PTPRQ: variants seen among roughly 807,000 people sequenced by gnomAD.
PTPRQ encodes the protein protein tyrosine phosphatase receptor type Q.
A neutral mutation model predicts 246.0 loss-of-function variants in PTPRQ; 199 were observed. The ratio of observed to expected loss-of-function variants is 0.81; its 90% CI spans 0.72 to 0.91. PTPRQ has a LOEUF of 0.91. PTPRQ is among the 40% of genes least tolerant of loss of function. The pLI is 0.00. For synonymous variants in PTPRQ, 869 were observed against 853.2 expected (o/e 1.02, Z -0.32); for missense variants, 2,624 against 2,528.4 (o/e 1.04, Z -0.81).
chr12:80,533,995 TA>T lies in PTPRQ; in HGVS notation c.2679-18del. On this transcript the variant is annotated intron_variant, in intron 17 of 44. Transcript: ENST00000644991. Reference sequence around the variant, plus strand: ...AACTTTTAAAATTCAATTCTACAGATAATATTCTTTTTATCTCAGGAATAGA... The same window carrying T: ...AACTTTTAAAATTCAATTCTACAGATATATTCTTTTTATCTCAGGAATAGA... 6.9e-7 allele frequency: 1 copy of T among 1,447,746 alleles called. No homozygotes were observed. The highest frequency in any genetic ancestry group is 9.1e-7 in the Non-Finnish European group (1 of 1,096,660). The allele number at this position is 1,447,746 out of a possible 1,614,324, so 89.7% of individuals were successfully genotyped here.
intron 25 of PTPRQ, among the ~76,000 whole-genome samples, chr12:80,552,738 A>G (rs1896525637): frequency 6.8e-6 from 1 of 146,232 alleles, no homozygotes; most frequent in African/African-American, 2.5e-5. Flanking sequence ...AAAAGGCAAC[A>G]TATGTAGAGA....
intron 38 of PTPRQ, among the ~76,000 whole-genome samples, chr12:80,657,593 ATAAC>A (rs1900484766): frequency 6.6e-6 from 1 of 151,846 alleles, no homozygotes; most frequent in Admixed American, 6.6e-5. Flanking sequence ...AAAAGGTTAA[ATAAC>A]TACATTATTA....
At chr12:80,579,321 C>T (rs80141967) in intron 25 of PTPRQ, among the ~76,000 whole-genome samples, 3 of 152,154 alleles carry the variant, frequency 2.0e-5, no homozygotes, top group East Asian at 1.9e-4. Flanking sequence ...TAATCCCCCA[C>T]ACTTTTTTCT....
At chr12:80,527,109 G>A (rs1244326127) in intron 17 of PTPRQ, among the ~76,000 whole-genome samples, 1 of 151,850 alleles carries the variant, frequency 6.6e-6, no homozygotes, top group Admixed American at 6.6e-5. Flanking sequence ...CAAACTTTCA[G>A]TAAAAAGGCC....
At chr12:80,588,770 T>C (rs1897699818) in intron 26 of PTPRQ, among the ~76,000 whole-genome samples, 1 of 152,222 alleles carries the variant, frequency 6.6e-6, no homozygotes, top group African/African-American at 2.4e-5. Context: ...TCTAATGCCC[T>C]TGACCCAGGC....
chr12:80,552,672 T>G (rs1239885334), intron 25 of PTPRQ, among the ~76,000 whole-genome samples: 1 of 120,382 alleles, frequency 8.3e-6, no homozygotes, highest in East Asian at 2.3e-4. Context: ...TATATATATA[T>G]ATATATATAT....
intron 6 of PTPRQ, chr12:80,465,667 G>C (rs1485724827): frequency 1.3e-5 from 2 of 152,090 alleles, no homozygotes; most frequent in African/African-American, 4.8e-5. Context: ...ATGATCAAGT[G>C]GGCTTCATCC....
chr12:80,542,630 T>C, intron 22 of PTPRQ, 100 bp from the exon 23 acceptor site: 5 of 1,300,222 alleles, frequency 3.8e-6, no homozygotes, highest in Non-Finnish European at 5.2e-6. Context: ...GATCATTTTA[T>C]AAATCTTTTT....
At chr12:80,661,019 T>C (rs535725221) in intron 39 of PTPRQ, among the ~76,000 whole-genome samples, 2 of 151,980 alleles carry the variant, frequency 1.3e-5, no homozygotes, top group East Asian at 3.9e-4. Context: ...CACGTAAGGA[T>C]GGAGATTCAG....
chr12:80,496,989 G>A (rs1894648274), intron 14 of PTPRQ, among the ~76,000 whole-genome samples: 1 of 151,884 alleles, frequency 6.6e-6, no homozygotes, highest in Admixed American at 6.6e-5. Flanking sequence ...GGATCTTAAT[G>A]AGGAGGTTGG....
intron 23 of PTPRQ, among the ~76,000 whole-genome samples, chr12:80,544,254 A>G (rs1896240159): frequency 6.6e-6 from 1 of 152,180 alleles, no homozygotes; most frequent in Admixed American, 6.6e-5. Context: ...GAAAGTCTCC[A>G]TAGAGCATTT....
chr12:80,454,569 A>T (rs1292555033), intron 3 of PTPRQ: 3 of 702,160 alleles, frequency 4.3e-6, no homozygotes, highest in African/African-American at 3.5e-5. Flanking sequence ...AATCCTTTAA[A>T]CTTTTCTCCG....
intron 6 of PTPRQ, among the ~76,000 whole-genome samples, chr12:80,463,047 C>T (rs887900721): frequency 6.6e-6 from 1 of 152,112 alleles, no homozygotes; most frequent in Non-Finnish European, 1.5e-5. Context: ...GAGAAGAAGG[C>T]TTCGGACGAT....
chr12:80,549,475 C>A lies in PTPRQ; in HGVS notation c.4026C>A (p.Val1342=). 1 of 1,545,694 alleles carries A rather than the reference C, an allele frequency of 6.5e-7. No individual in the cohort carries two copies. The highest frequency in any genetic ancestry group is 8.7e-7 in the Non-Finnish European group (1 of 1,143,398). ...TGTTTATCTCTTAAGTTCCAGATGT[C>A]GTGCAGAATATGCAGTGCATGGCAA... ...KFTTQESVPD[V]VQNMQCMATS... Residue 1342 remains valine (V), a synonymous_variant, in exon 25 of 45, where the codon GTC becomes GTA. Coordinates refer to ENST00000644991, the MANE Select transcript of PTPRQ (RefSeq NM_001145026.2).
chr12:80,464,944 AC>A (rs886826575), intron 6 of PTPRQ, among the ~76,000 whole-genome samples: 1 of 34,486 alleles, frequency 2.9e-5, no homozygotes, highest in Non-Finnish European at 5.7e-5. Flanking sequence ...AATTAAAAGA[AC>A]TAGAAAAGCA....
At chr12:80,459,081 G>C (rs1421341676) in intron 4 of PTPRQ, among the ~76,000 whole-genome samples, 4 of 151,962 alleles carry the variant, frequency 2.6e-5, no homozygotes, top group African/African-American at 7.2e-5. Flanking sequence ...TATTAGCCCA[G>C]TTATCCTAAA....
intron 33 of PTPRQ, among the ~76,000 whole-genome samples, chr12:80,630,807 TCCGATTTCAAG>T (rs1181265036): frequency 1.3e-5 from 2 of 152,052 alleles, no homozygotes; most frequent in Non-Finnish European, 2.9e-5. Context: ...ACCTCCACCT[TCCGATTTCAAG>T]CTATTCTCCT....
At chr12:80,643,100 A>T (rs1366173547) in intron 35 of PTPRQ, among the ~76,000 whole-genome samples, 1 of 152,046 alleles carries the variant, frequency 6.6e-6, no homozygotes, top group Non-Finnish European at 1.5e-5. Flanking sequence ...TATGTTGAGA[A>T]GGTAATACAT....
intron 10 of PTPRQ, among the ~76,000 whole-genome samples, chr12:80,494,011 T>A (rs1291770632): frequency 6.6e-6 from 1 of 152,006 alleles, no homozygotes; most frequent in Non-Finnish European, 1.5e-5. Flanking sequence ...ACACATATTA[T>A]CTCTCTAGTT....
Sources: allele counts gnomAD v4.1 joint callset (sites outside exome capture counted in the v4.1 genomes callset), GRCh38; gene constraint gnomAD v4.1.1; transcripts MANE v1.5; gene names NCBI Gene and HGNC (gene_info 2026-07-23, HGNC 2026-07-21).